The following CFAP46 variants were observed in gnomAD, a reference collection of about 807,000 sequenced individuals.
CFAP46 encodes the protein cilia- and flagella-associated protein 46.
Under a neutral mutation model 325.7 loss-of-function variants are expected in CFAP46, and 245 were observed. The ratio of observed to expected loss-of-function variants is 0.75; its 90% CI spans 0.68 to 0.84. The LOEUF (loss-of-function observed/expected upper bound fraction) is 0.84. CFAP46 is among the 40% of genes least tolerant of loss of function. CFAP46 has a pLI of 0.00. For missense variants in CFAP46, 3,346 were observed against 3,543.0 expected (o/e 0.94, Z 1.41); for synonymous variants, 1,523 against 1,495.9 (o/e 1.02, Z -0.42).
chr10:132,841,990 C>T (rs1848351936), intron 44 of CFAP46, among the ~76,000 whole-genome samples: 1 of 152,268 alleles, frequency 6.6e-6, no homozygotes, highest in Non-Finnish European at 1.5e-5. Context: ...CCCTTCCTCT[C>T]TGTGCTGACT....
In CFAP46 at chr10:132,851,319, G is replaced by A; in HGVS notation, c.5575-14C>T. Reference sequence around the variant, plus strand: ...GACGTTCTGCAACTGAGGGGGTCAGGCATGCCTCTGAAGCATGGAAGCTTC... The same window carrying A: ...GACGTTCTGCAACTGAGGGGGTCAGACATGCCTCTGAAGCATGGAAGCTTC... On this transcript the variant is annotated splice_polypyrimidine_tract_variant and intron_variant, in intron 39 of 57. Transcript: ENST00000368586. The A allele has an allele frequency of 6.2e-7, 1 of 1,610,504 alleles. No homozygotes were observed.
chr10:132,922,069 C>G (rs763975051), intron 13 of CFAP46, 35 bp downstream of exon 13: 1 of 1,537,954 alleles, frequency 6.5e-7, no homozygotes, highest in African/African-American at 1.4e-5. Context: ...CAAGGTGGAC[C>G]GTTCTGGGCT....
At chr10:132,833,586 C>A in intron 49 of CFAP46, 61 bp from the exon 50 acceptor site, 1 of 1,552,476 alleles carries the variant, frequency 6.4e-7, no homozygotes. Flanking sequence ...CACGGGGTCG[C>A]AGGGCTCCGT....
rs557805772 is a variant in CFAP46 at position 132,810,613 on chromosome 10, G to A, written c.7584-124C>T. 35 of 872,530 alleles carry A rather than the reference G, an allele frequency of 4.0e-5. No homozygotes were observed. The East Asian group carries it at 5.2e-4, about 13-fold the overall frequency. 54.0% of individuals were successfully genotyped at this position (872,530 alleles called of 1,614,324 possible). A position where few individuals can be genotyped will look rare whatever the true frequency, so the allele number is the denominator to read the frequency against. On this transcript the variant is annotated intron_variant, in intron 56 of 57. Transcript: ENST00000368586. ...CCCATAAGACGCTGGCCCGCAGCGC[G>A]TTGTCCTGCAGCAGCGTCGGCCACT...
chr10:132,821,170 C>T (rs546770820), intron 50 of CFAP46, among the ~76,000 whole-genome samples: 8,043 of 96,924 alleles, frequency 0.083, 434 homozygotes, highest in Middle Eastern at 0.13. Flanking sequence ...GCTGTCTGTG[C>T]GCTGATGTGT....
Position 132,942,085 on chromosome 10 carries a change from C to T in CFAP46, c.69G>A (p.Lys23=), listed in dbSNP as rs1850113700. 1 of 1,551,572 alleles carries T rather than the reference C, an allele frequency of 6.4e-7. No individual in the cohort carries two copies. The highest frequency in any genetic ancestry group is 2.0e-5 in the Admixed American group (1 of 50,992). ...TGGCCGATTTGATCAACTCGTAGGC[C>T]TTCTTCAAGGACGCAGCATCTGTCC... is the stretch of plus-strand genomic sequence containing the variant. The part of the protein sequence containing the change: ...ESQQDAASLK[K]AYELIKSANL... The change falls in exon 2 of 58, where the codon AAG becomes AAA. Residue 23 remains lysine (K), a synonymous_variant. Transcript: ENST00000368586.
Position 132,835,068 on chromosome 10 carries a change from C to A in CFAP46, c.6744+236G>T, listed in dbSNP as rs1220976837. On this transcript the variant is annotated intron_variant, in intron 47 of 57. Transcript: ENST00000368586. Reference sequence around the variant, plus strand: ...GCTCTGCGGAGCAGAGTGGACCAGGCCCCTCCTGTTTGTGCTTCAGGGATC... The same window carrying A: ...GCTCTGCGGAGCAGAGTGGACCAGGACCCTCCTGTTTGTGCTTCAGGGATC... Among the ~76,000 whole-genome samples the A allele has an allele frequency of 2.0e-5, 3 of 152,358 alleles. No homozygotes were observed. In the East Asian group the frequency reaches 5.8e-4, roughly 29 times the overall value.
intron 19 of CFAP46, 134 bp from the exon 20 acceptor site, chr10:132,910,202 A>C (rs1849520739): frequency 8.6e-6 from 7 of 810,184 alleles, no homozygotes; most frequent in Non-Finnish European, 1.2e-5. Context: ...ACGAGACCTC[A>C]GGCCCACCAG....
chr10:132,870,008 G>A (rs748475637), intron 32 of CFAP46, among the ~76,000 whole-genome samples: 3 of 152,272 alleles, frequency 2.0e-5, no homozygotes, highest in Admixed American at 2.0e-4. Context: ...GTCCATCGGC[G>A]CCATTTTCCC....
At position 132,886,627 on chromosome 10, in the gene CFAP46, G is replaced by A. The variant is rs1783134907; in HGVS notation, c.3305-668C>T. On this transcript the variant is annotated intron_variant, in intron 25 of 57. Transcript: ENST00000368586. This position sits in a 1 kb window ranked among gnomAD's most constrained non-coding sequence, Gnocchi z 5.8. The stretch of plus-strand genomic sequence containing the variant: ...GGCGAGCTGCAGATGAACTTGAAGG[G>A]CCCTGAAGAGACGGGGTGAACACAG... Among the ~76,000 whole-genome samples, 3 of 152,146 alleles carry A rather than the reference G, an allele frequency of 2.0e-5. No individual in the cohort carries two copies. Among genetic ancestry groups the A allele is most frequent in the African/African-American group, 7.2e-5 (3 of 41,414 alleles).
chr10:132,936,472 C>A (rs1202542864), intron 7 of CFAP46, among the ~76,000 whole-genome samples: 1 of 136,366 alleles, frequency 7.3e-6, no homozygotes, highest in Non-Finnish European at 1.6e-5. Context: ...TCACTCCCCT[C>A]GGCACCCAAA....
rs780416840 is a variant in CFAP46, at chr10:132,929,781, G to T, written c.890C>A (p.Ala297Glu). Residue 297 changes from alanine to glutamate, a missense_variant, in exon 9 of 58, where the codon GCG (alanine) becomes GAG (glutamate). Physicochemically the swap from Ala to Glu is moderately radical, Grantham distance 107 (BLOSUM62 -1). Transcript: ENST00000368586. Reference protein sequence around the residue: ...EEKMLLLFELARFSLTLKCME... With the variant: ...EEKMLLLFELERFSLTLKCME... ...GCATTTCAAGGTCAAGGAAAAACGCGCCAATTCAAAAAGCAAAAGCATTCT... is the reference window on the plus strand; with the variant it reads ...GCATTTCAAGGTCAAGGAAAAACGCTCCAATTCAAAAAGCAAAAGCATTCT... 2 of 1,609,120 alleles carry T rather than the reference G, an allele frequency of 1.2e-6. No homozygotes were observed. Among genetic ancestry groups the T allele is most frequent in the East Asian group, 2.2e-5 (1 of 44,744 alleles).
Position 132,860,797 on chromosome 10 carries a change from T to G in CFAP46, c.5076A>C (p.Ser1692=), listed in dbSNP as rs1406305613. Residue 1692 remains serine, a synonymous_variant, in exon 36 of 58, where the codon TCA becomes TCC. Transcript: ENST00000368586. ...TGCCTCTTACCGTAGCTTCCCTTCC[T>G]GAGTGTTCCATGGACAAGAGCGCCT... ...LAEALLSMEH[S]GREATVCHIF... is the part of the protein sequence containing the mutation. 1.9e-6 allele frequency: 3 copies of G among 1,550,934 alleles called. No individual in the cohort carries two copies. Among genetic ancestry groups the G allele is most frequent in the East Asian group, 4.9e-5 (2 of 40,932 alleles).
At chr10:132,915,789 A>G (rs1041778716) in intron 17 of CFAP46, among the ~76,000 whole-genome samples, 3 of 152,250 alleles carry the variant, frequency 2.0e-5, no homozygotes, top group Non-Finnish European at 2.9e-5. Context: ...GAAGGGGGAC[A>G]TCGAACATTC....
At chr10:132,820,591 T>A (rs1294199982) in intron 50 of CFAP46, among the ~76,000 whole-genome samples, 1 of 146,224 alleles carries the variant, frequency 6.8e-6, no homozygotes, top group Non-Finnish European at 1.5e-5. Context: ...ATGTGTGCTG[T>A]GTGAGCACTG....
rs936812377 is a variant in CFAP46, at chr10:132,909,142, C to T, written c.2752G>A (p.Ala918Thr). The change falls in exon 21 of 58, where the codon GCC (alanine) becomes ACC (threonine). Residue 918 changes from alanine (A) to threonine (T), a missense_variant. By Grantham distance (58) the Ala-to-Thr change is moderately conservative. Coordinates refer to ENST00000368586, the MANE Select transcript of CFAP46 (RefSeq NM_001200049.3). ...GLMDFTVPSLAQLVKMASECN... is the reference protein window; with the variant it reads ...GLMDFTVPSLTQLVKMASECN... ...GGACCCCTGGGGACACCTACCTGGGCCAGGGAGGGGACAGTGAAGTCCATG... is the reference window on the plus strand; with the variant it reads ...GGACCCCTGGGGACACCTACCTGGGTCAGGGAGGGGACAGTGAAGTCCATG... 1.3e-6 allele frequency: 2 copies of T among 1,548,540 alleles called. No homozygotes were observed. Among genetic ancestry groups the T allele is most frequent in the East Asian group, 4.9e-5 (2 of 40,884 alleles).
chr10:132,861,489 C>T (rs1186724929), intron 35 of CFAP46, among the ~76,000 whole-genome samples: 2 of 152,324 alleles, frequency 1.3e-5, no homozygotes, highest in Middle Eastern at 3.4e-3. Context: ...TAGGGGCTCC[C>T]GCTTGGGGCG....
rs1414235666 is a variant in CFAP46, at chr10:132,850,381, C to T, written c.5815G>A (p.Gly1939Arg). The stretch of plus-strand genomic sequence containing the variant: ...CCCACGCTCAGCGGCTGCAGGCTCC[C>T]CAGCTGTGCCAGTGCCCCGTGTGCT... ...TLAHGALAQL[G>R]SLQPLSVGCV... The change falls in exon 41 of 58, where the codon GGG becomes AGG. Residue 1939 changes from glycine (G) to arginine (R), a missense_variant. Gly to Arg is a moderately radical substitution (Grantham distance 125). Coordinates refer to ENST00000368586, the MANE Select transcript of CFAP46 (RefSeq NM_001200049.3). 3.8e-6 allele frequency: 6 copies of T among 1,575,338 alleles called. No individual in the cohort carries two copies. The highest frequency in any genetic ancestry group is 5.2e-6 in the Non-Finnish European group (6 of 1,160,274).
rs917946592 is a variant in CFAP46, at chr10:132,876,209, C to T, written c.4362+603G>A. 2.0e-5 allele frequency among the ~76,000 whole-genome samples: 3 copies of T among 152,226 alleles called. No individual in the cohort carries two copies. Among genetic ancestry groups the T allele is most frequent in the Non-Finnish European group, 2.9e-5 (2 of 68,040 alleles). On this transcript the variant is annotated intron_variant, in intron 31 of 57. Coordinates refer to ENST00000368586, the MANE Select transcript of CFAP46 (RefSeq NM_001200049.3). The surrounding 1 kb of genome is among the most constrained non-coding windows in gnomAD (Gnocchi z 4.1). ...GGGGAGTGGCATCAGCAGGGATCTG[C>T]GCAGGGCCACTCTACCCACAGCGGG...
Sources: gnomAD v4.1 joint callset for allele counts (sites outside exome capture counted in the v4.1 genomes callset) on GRCh38, gnomAD v4.1.1 for gene constraint, Gnocchi (gnomAD v3.1) non-coding constraint, MANE v1.5 for transcripts, NCBI Gene and HGNC (gene_info 2026-07-23, HGNC 2026-07-21) for gene names.